Variants in ADIPOR2 observed in about 807,000 individuals in gnomAD.
The protein encoded by ADIPOR2 is adiponectin receptor protein 2.
A neutral mutation model predicts 40.9 loss-of-function variants in ADIPOR2; 18 were observed. The observed-to-expected ratio is 0.44, with a 90% CI of 0.30 to 0.65. The LOEUF (loss-of-function observed/expected upper bound fraction) is 0.65, where lower values mean the gene tolerates loss of function less well. Ranked by LOEUF, ADIPOR2 falls within the 30% of genes least tolerant of loss-of-function variation. The probability of loss-of-function intolerance (pLI) is 0.09; values close to 1 mark genes in which losing one functional copy is unlikely to be tolerated. For missense variants in ADIPOR2, 283 were observed against 479.2 expected (o/e 0.59, Z 3.82); for synonymous variants, 165 against 166.4 (o/e 0.99, Z 0.06).
At position 1,780,467 on chromosome 12, in the gene ADIPOR2, G is replaced by A; in HGVS notation, c.480G>A (p.Leu160=). The part of the protein sequence containing the change: ...WTHLLGCVFF[L]CLGIFYMFRP... ...TTTTCCTAGGTTGTGTATTCTTCCT[G>A]TGCCTGGGGATCTTTTATATGTTTC... The change falls in exon 5 of 8, where the codon CTG becomes CTA. Residue 160 remains leucine (L), a synonymous_variant. Coordinates refer to ENST00000357103, the MANE Select transcript of ADIPOR2 (RefSeq NM_024551.3). The A allele has an allele frequency of 6.2e-7, 1 of 1,610,718 alleles. No homozygotes were observed. Among genetic ancestry groups the A allele is most frequent in the African/African-American group, 1.3e-5 (1 of 74,646 alleles).
chr12:1,725,125 CT>C (rs33993408), intron 1 of ADIPOR2, among the ~76,000 whole-genome samples: 39,454 of 143,590 alleles, frequency 0.27, 5,396 homozygotes, highest in Admixed American at 0.43. Context: ...CGCAAACTTT[CT>C]TTTTTTTTTT....
rs557137669 is a variant in ADIPOR2 at position 1,784,489 on chromosome 12, C to A, written c.1032+416C>A. ...TGTGCTCTTTTTGACAATGGCAAGT[C>A]ATTTTGCCATTCTTTGTCTCAGTTT... On this transcript the variant is annotated intron_variant, in intron 7 of 7. Transcript: ENST00000357103. 3.3e-5 allele frequency among the ~76,000 whole-genome samples: 5 copies of A among 152,354 alleles called. No individual in the cohort carries two copies. The South Asian group carries it at 1.0e-3, about 32-fold the overall frequency.
chr12:1,754,620 G>C lies in ADIPOR2; in HGVS notation c.171+106G>C, dbSNP rs1251769040. 5 of 1,135,912 alleles carry C rather than the reference G, an allele frequency of 4.4e-6. No homozygotes were observed. The East Asian group carries it at 1.4e-4, about 31-fold the overall frequency. 70.4% of individuals were successfully genotyped at this position (1,135,912 alleles called of 1,614,324 possible). ...GGGGGTCCATTGCTGGAGGGAGGAT[G>C]GGGTGGTAAGAAGGAAACTTGCACA... On this transcript the variant is annotated intron_variant, in intron 2 of 7. Transcript: ENST00000357103.
intron 1 of ADIPOR2, among the ~76,000 whole-genome samples, chr12:1,741,841 A>T (rs879935279): frequency 2.6e-5 from 4 of 152,164 alleles, no homozygotes; most frequent in Admixed American, 2.6e-4. Context: ...TCTTAGGTAA[A>T]TCATTTTAAA....
At chr12:1,696,231 CT>C (rs1229039184) in intron 1 of ADIPOR2, 1 of 152,816 alleles carries the variant, frequency 6.5e-6, no homozygotes, top group Non-Finnish European at 1.5e-5. Context: ...TTTAGTTTGG[CT>C]TTTCACTCCT....
At chr12:1,755,464 C>G (rs994378225) in intron 2 of ADIPOR2, among the ~76,000 whole-genome samples, 5 of 152,288 alleles carry the variant, frequency 3.3e-5, no homozygotes, top group African/African-American at 9.6e-5. Flanking sequence ...TCTAATTTAA[C>G]CATACTTTAG....
chr12:1,758,502 T>C (rs117670994), intron 2 of ADIPOR2, among the ~76,000 whole-genome samples: 2,241 of 152,312 alleles, frequency 0.015, 21 homozygotes, highest in Middle Eastern at 0.051. Context: ...TGCGTGTGTA[T>C]GTTGTTTCTC....
At chr12:1,781,905 A>C (rs1315233261) in intron 6 of ADIPOR2, among the ~76,000 whole-genome samples, 1 of 152,204 alleles carries the variant, frequency 6.6e-6, no homozygotes, top group Non-Finnish European at 1.5e-5. Flanking sequence ...ATATGAGCAA[A>C]TGAGCATTGG....
At chr12:1,731,960 T>G (rs1473647326) in intron 1 of ADIPOR2, among the ~76,000 whole-genome samples, 4 of 151,158 alleles carry the variant, frequency 2.6e-5, no homozygotes, top group Non-Finnish European at 5.9e-5. Flanking sequence ...TGAGACTTGG[T>G]CTGAAAACAA....
At chr12:1,785,712 G>T (rs1414736374) in intron 7 of ADIPOR2, among the ~76,000 whole-genome samples, 3 of 146,524 alleles carry the variant, frequency 2.0e-5, no homozygotes. Flanking sequence ...TATGTGTAGA[G>T]CTTAGTGGCA....
At chr12:1,737,715 TA>T (rs2094733912) in intron 1 of ADIPOR2, among the ~76,000 whole-genome samples, 1 of 151,986 alleles carries the variant, frequency 6.6e-6, no homozygotes, top group Non-Finnish European at 1.5e-5. Flanking sequence ...CACGCTTGGG[TA>T]ATTTTTTGTA....
chr12:1,763,572 ATCTT>A (rs200517869), intron 2 of ADIPOR2, among the ~76,000 whole-genome samples: 2,246 of 149,164 alleles, frequency 0.015, 21 homozygotes, highest in Middle Eastern at 0.052. Context: ...GACAAAGTTA[ATCTT>A]TCTTTATTTC....
rs1036207186 is a variant in ADIPOR2 at position 1,787,587 on chromosome 12, A to G, written c.*1515A>G. On this transcript the variant is annotated 3_prime_UTR_variant, in exon 8 of 8. Coordinates refer to ENST00000357103, the MANE Select transcript of ADIPOR2 (RefSeq NM_024551.3). ...GTTCATGGAATTCTGATCTTGGCCC[A>G]TAGGTGAACCACCAAAATAGTGCTC... 6.6e-6 allele frequency: 1 copy of G among 152,238 alleles called. No individual in the cohort carries two copies. The highest frequency in any genetic ancestry group is 2.4e-5 in the African/African-American group (1 of 41,448). 9.4% of individuals were successfully genotyped at this position (152,238 alleles called of 1,614,324 possible).
At chr12:1,715,945 C>T (rs954811524) in intron 1 of ADIPOR2, among the ~76,000 whole-genome samples, 2 of 152,130 alleles carry the variant, frequency 1.3e-5, no homozygotes, top group East Asian at 3.9e-4. Flanking sequence ...AGCTGGCCAC[C>T]CCAGCCAGCA....
intron 1 of ADIPOR2, among the ~76,000 whole-genome samples, chr12:1,704,371 C>A (rs1317492286): frequency 1.3e-5 from 2 of 152,114 alleles, no homozygotes; most frequent in African/African-American, 4.8e-5. Context: ...CATGTCATTT[C>A]TCTTACTATT....
intron 1 of ADIPOR2, among the ~76,000 whole-genome samples, chr12:1,740,027 G>A (rs1262143651): frequency 3.3e-5 from 5 of 152,052 alleles, no homozygotes; most frequent in African/African-American, 2.4e-5. Context: ...GCTTGAACCC[G>A]GGAGGCAGAG....
chr12:1,773,456 G>A (rs564760621), intron 3 of ADIPOR2, among the ~76,000 whole-genome samples: 13 of 149,960 alleles, frequency 8.7e-5, no homozygotes, highest in Non-Finnish European at 1.3e-4. Flanking sequence ...TATACATTCT[G>A]TCTCTTAAGG....
intron 1 of ADIPOR2, among the ~76,000 whole-genome samples, chr12:1,701,896 C>T (rs113576026): frequency 0.13 from 19,448 of 152,016 alleles, 1,295 homozygotes; most frequent in South Asian, 0.16. Flanking sequence ...CTGAGGTGGG[C>T]GGATCACCTG....
intron 1 of ADIPOR2, 102 bp downstream of exon 1, chr12:1,691,293 G>A (rs930295384): frequency 6.6e-6 from 1 of 152,534 alleles, no homozygotes; most frequent in Non-Finnish European, 1.5e-5. Context: ...AGAGCTGAGG[G>A]GCGAATGTCC....
Sources: allele counts gnomAD v4.1 joint callset (sites outside exome capture counted in the v4.1 genomes callset), GRCh38; gene constraint gnomAD v4.1.1; transcripts MANE v1.5; gene names NCBI Gene and HGNC (gene_info 2026-07-23, HGNC 2026-07-21).